The following CPQ variants were observed in gnomAD, a reference collection of about 807,000 sequenced individuals.
The protein encoded by CPQ is Ser-Met dipeptidase.
In CPQ, 37 loss-of-function variants were observed where a neutral mutation model predicts 45.7. The observed-to-expected ratio is 0.81, with a 90% CI of 0.62 to 1.07. The LOEUF (loss-of-function observed/expected upper bound fraction) is 1.07. Among genes scored for constraint, CPQ ranks in the 50% least tolerant of loss-of-function variants. The probability of loss-of-function intolerance (pLI) is 0.00; values close to 1 mark genes in which losing one functional copy is unlikely to be tolerated. For synonymous variants in CPQ, 186 were observed against 205.8 expected, an observed-to-expected ratio of 0.90 and a Z score of 0.82; for missense variants, 537 against 572.9, an observed-to-expected ratio of 0.94 and a Z score of 0.64.
At chr8:97,064,444 G>A (rs565275503) in intron 6 of CPQ, among the ~76,000 whole-genome samples, 80 of 152,174 alleles carry the variant, frequency 5.3e-4, no homozygotes, top group Non-Finnish European at 7.1e-4. Flanking sequence ...CCATAATGCA[G>A]TATCCTCAGC....
chr8:97,065,281 A>G (rs1274403905), intron 6 of CPQ, among the ~76,000 whole-genome samples: 1 of 152,148 alleles, frequency 6.6e-6, no homozygotes, highest in Non-Finnish European at 1.5e-5. Flanking sequence ...TATATTCTAA[A>G]TTTGTGCCGT....
chr8:96,709,198 C>T (rs1809574705), intron 1 of CPQ, among the ~76,000 whole-genome samples: 1 of 152,016 alleles, frequency 6.6e-6, no homozygotes, highest in South Asian at 2.1e-4. Context: ...GTGTACCTGT[C>T]CCTGGACATT....
At chr8:96,914,087 G>T (rs1812701773) in intron 4 of CPQ, among the ~76,000 whole-genome samples, 1 of 152,140 alleles carries the variant, frequency 6.6e-6, no homozygotes, top group African/African-American at 2.4e-5. Context: ...ATAGTGTGGA[G>T]ATACTGTCAT....
At chr8:96,800,784 A>G (rs1037030158) in intron 2 of CPQ, among the ~76,000 whole-genome samples, 1 of 152,224 alleles carries the variant, frequency 6.6e-6, no homozygotes, top group Non-Finnish European at 1.5e-5. Context: ...ATATTTTGCA[A>G]GAAGATATAC....
intron 1 of CPQ, among the ~76,000 whole-genome samples, chr8:96,737,250 C>CA (rs1369750627): frequency 6.8e-4 from 93 of 137,240 alleles, no homozygotes; most frequent in African/African-American, 2.3e-3. Flanking sequence ...CACACACACA[C>CA]ACACAAAAAA....
intron 3 of CPQ, among the ~76,000 whole-genome samples, chr8:96,855,932 C>T (rs1054279275): frequency 6.6e-6 from 1 of 152,084 alleles, no homozygotes; most frequent in Non-Finnish European, 1.5e-5. Flanking sequence ...TGGGGAAGAG[C>T]CTCTTAGGCA....
intron 5 of CPQ, among the ~76,000 whole-genome samples, chr8:96,977,173 G>A (rs1020285467): frequency 2.0e-5 from 3 of 151,890 alleles, no homozygotes; most frequent in Non-Finnish European, 2.9e-5. Flanking sequence ...CATCAAAAAA[G>A]GGCTAAGGAC....
rs969170106 is a variant in CPQ at position 96,658,453 on chromosome 8, A to C, written c.-35+13051A>C. ...TTCTTCATCCATAAAATTGGGATAAAAATTATAACTGTCTGCAGTGGGCAG... is the reference window on the plus strand; with the variant it reads ...TTCTTCATCCATAAAATTGGGATAACAATTATAACTGTCTGCAGTGGGCAG... On this transcript the variant is annotated intron_variant, in intron 1 of 7. Coordinates refer to ENST00000220763, the MANE Select transcript of CPQ (RefSeq NM_016134.4). Among the ~76,000 whole-genome samples, 11 of 152,334 alleles carry C rather than the reference A, an allele frequency of 7.2e-5. No homozygotes were observed. In the East Asian group the frequency reaches 9.6e-4, roughly 13 times the overall value.
At chr8:96,975,794 C>T (rs561778616) in intron 5 of CPQ, among the ~76,000 whole-genome samples, 7 of 152,164 alleles carry the variant, frequency 4.6e-5, no homozygotes, top group East Asian at 3.9e-4. Context: ...AATCCAGCAT[C>T]GCTTTATGAT....
chr8:96,908,777 A>ACACACACACACACACACACC (rs147900019), intron 4 of CPQ, among the ~76,000 whole-genome samples: 2 of 150,162 alleles, frequency 1.3e-5, no homozygotes, highest in Admixed American at 6.6e-5. Context: ...ACACACACAC[A>ACACACACACACACACACACC]CCATATATTC....
intron 1 of CPQ, among the ~76,000 whole-genome samples, chr8:96,646,677 A>G (rs1266543620): frequency 6.6e-6 from 1 of 152,212 alleles, no homozygotes; most frequent in African/African-American, 2.4e-5. Flanking sequence ...TGATCTCTTT[A>G]GGTTTTAATT....
intron 1 of CPQ, among the ~76,000 whole-genome samples, chr8:96,772,351 G>A (rs1025185731): frequency 3.3e-5 from 5 of 152,100 alleles, no homozygotes; most frequent in Non-Finnish European, 7.4e-5. Flanking sequence ...AGATGATGGG[G>A]TGGTGGAAGT....
intron 2 of CPQ, among the ~76,000 whole-genome samples, chr8:96,822,266 G>T (rs976782854): frequency 6.6e-6 from 1 of 151,918 alleles, no homozygotes; most frequent in African/African-American, 2.4e-5. Context: ...TAATTCCATT[G>T]TGCCTATATA....
intron 7 of CPQ, among the ~76,000 whole-genome samples, chr8:97,097,645 G>T (rs534097570): frequency 6.6e-6 from 1 of 152,252 alleles, no homozygotes; most frequent in East Asian, 1.9e-4. Context: ...CATGTTATAG[G>T]CCAGTGGGGA....
chr8:97,084,642 T>C (rs553840879), intron 7 of CPQ, among the ~76,000 whole-genome samples: 2 of 152,356 alleles, frequency 1.3e-5, no homozygotes, highest in East Asian at 1.9e-4. Context: ...TAGAATGGCA[T>C]GTGTCTCCCT....
chr8:96,888,349 G>A (rs1812329839), intron 4 of CPQ, among the ~76,000 whole-genome samples: 1 of 152,088 alleles, frequency 6.6e-6, no homozygotes, highest in Non-Finnish European at 1.5e-5. Context: ...TTCATCTATA[G>A]AAGGAGGAAC....
chr8:96,918,977 C>T (rs1160208034), intron 4 of CPQ, among the ~76,000 whole-genome samples: 8 of 152,060 alleles, frequency 5.3e-5, no homozygotes, highest in African/African-American at 9.7e-5. Context: ...TAAGGTTCTT[C>T]GCAGTAATGC....
At chr8:97,091,161 G>A in intron 7 of CPQ, among the ~76,000 whole-genome samples, 1 of 152,136 alleles carries the variant, frequency 6.6e-6, no homozygotes, top group Non-Finnish European at 1.5e-5. Flanking sequence ...TGGGAAGTGG[G>A]GACCATCCTA....
At chr8:96,853,296 A>G (rs72664504) in intron 3 of CPQ, among the ~76,000 whole-genome samples, 1,782 of 152,318 alleles carry the variant, frequency 0.012, 20 homozygotes, top group Non-Finnish European at 0.017. Context: ...GGGCGCTGTG[A>G]CAGGCTCTAA....
Sources: allele counts gnomAD v4.1 joint callset (sites outside exome capture counted in the v4.1 genomes callset), GRCh38; gene constraint gnomAD v4.1.1; transcripts MANE v1.5; gene names NCBI Gene and HGNC (gene_info 2026-07-23, HGNC 2026-07-21).